SLC44A1: variants seen among roughly 807,000 people sequenced by gnomAD.
SLC44A1 encodes the protein choline transporter-like protein 1.
Under a neutral mutation model 79.3 loss-of-function variants are expected in SLC44A1, and 26 were observed. That is an observed-to-expected ratio of 0.33 (90% CI 0.24 to 0.46). The LOEUF (loss-of-function observed/expected upper bound fraction) is 0.46. SLC44A1 is among the 20% of genes least tolerant of loss of function. SLC44A1 has a pLI of 1.00. For synonymous variants in SLC44A1, 263 were observed against 286.2 expected, an observed-to-expected ratio of 0.92 and a Z score of 0.82; for missense variants, 688 against 798.1, an observed-to-expected ratio of 0.86 and a Z score of 1.66.
At chr9:105,256,442 G>A (rs1356571642) in intron 1 of SLC44A1, among the ~76,000 whole-genome samples, 1 of 152,126 alleles carries the variant, frequency 6.6e-6, no homozygotes, top group Non-Finnish European at 1.5e-5. Context: ...CCCAAAGTAA[G>A]TCCAGAAGTA....
chr9:105,421,311 G>A (rs1386836772), intron 15 of SLC44A1, among the ~76,000 whole-genome samples: 1 of 152,104 alleles, frequency 6.6e-6, no homozygotes, highest in East Asian at 1.9e-4. Flanking sequence ...CTGTGCTAAG[G>A]GCTTTCTAGG....
intron 13 of SLC44A1, among the ~76,000 whole-genome samples, chr9:105,382,760 A>G (rs1828508586): frequency 6.6e-6 from 1 of 152,188 alleles, no homozygotes; most frequent in African/African-American, 2.4e-5. Flanking sequence ...ACACTGAAAT[A>G]TCACTTTTTT....
At position 105,392,173 on chromosome 9, in the gene SLC44A1, G is replaced by T. The variant is rs1564048204; in HGVS notation, c.*3117G>T. The T allele has an allele frequency of 1.0e-6, 1 of 985,056 alleles. No individual in the cohort carries two copies. The highest frequency in any genetic ancestry group is 1.2e-6 in the Non-Finnish European group (1 of 829,706). The allele number at this position is 985,056 out of a possible 1,614,324, so 61.0% of individuals were successfully genotyped here. ...CTTGCATGGATGAGCAGAGCTCAAA[G>T]CCAGTTGTTCCTTTAAAGCATTTAA... is the stretch of plus-strand genomic sequence containing the variant. On this transcript the variant is annotated 3_prime_UTR_variant, in exon 16 of 16. Coordinates refer to ENST00000374720, the MANE Select transcript of SLC44A1 (RefSeq NM_080546.5).
intron 2 of SLC44A1, among the ~76,000 whole-genome samples, 169 bp downstream of exon 2, chr9:105,299,478 G>C (rs1460459576): frequency 6.6e-6 from 1 of 152,156 alleles, no homozygotes; most frequent in Admixed American, 6.5e-5. Context: ...TCAAATTAAG[G>C]AGCAGCTGGG....
intron 1 of SLC44A1, among the ~76,000 whole-genome samples, chr9:105,257,209 G>A (rs1276298262): frequency 1.3e-5 from 2 of 152,162 alleles, no homozygotes; most frequent in Non-Finnish European, 2.9e-5. Flanking sequence ...CGAGTCTCCT[G>A]CCTCAGCCTC....
At chr9:105,329,725 A>G (rs1826691499) in intron 3 of SLC44A1, among the ~76,000 whole-genome samples, 1 of 151,938 alleles carries the variant, frequency 6.6e-6, no homozygotes, top group South Asian at 2.1e-4. Context: ...CCTATAGTCG[A>G]CTTTATCAGA....
At chr9:105,297,940 A>G (rs968065235) in intron 1 of SLC44A1, among the ~76,000 whole-genome samples, 7 of 152,088 alleles carry the variant, frequency 4.6e-5, no homozygotes, top group African/African-American at 1.4e-4. Context: ...AACCTTTCCC[A>G]TAGGTTTTCC....
At chr9:105,261,294 G>A (rs1829832707) in intron 1 of SLC44A1, among the ~76,000 whole-genome samples, 1 of 152,108 alleles carries the variant, frequency 6.6e-6, no homozygotes, top group South Asian at 2.1e-4. Flanking sequence ...ATAAGAATGA[G>A]GGCCTTCTTT....
chr9:105,250,354 A>G (rs1437676997), intron 1 of SLC44A1, among the ~76,000 whole-genome samples: 1 of 152,134 alleles, frequency 6.6e-6, no homozygotes, highest in Non-Finnish European at 1.5e-5. Flanking sequence ...ATACTATACT[A>G]TCAAATACTA....
downstream of SLC44A1, among the ~76,000 whole-genome samples, chr9:105,398,876 GGAA>G (rs956648342): frequency 1.3e-5 from 2 of 152,164 alleles, no homozygotes; most frequent in Admixed American, 1.3e-4. Flanking sequence ...CACTGGAAGA[GGAA>G]GAATTGTCTT....
intron 15 of SLC44A1, among the ~76,000 whole-genome samples, chr9:105,423,967 T>C (rs1263588000): frequency 6.6e-6 from 1 of 152,146 alleles, no homozygotes; most frequent in Admixed American, 6.5e-5. Flanking sequence ...TCATGGAAGA[T>C]GAAATTAAAT....
At chr9:105,345,388 T>A (rs2131376030) in intron 4 of SLC44A1, among the ~76,000 whole-genome samples, 2 of 152,336 alleles carry the variant, frequency 1.3e-5, no homozygotes, top group Middle Eastern at 3.4e-3. Flanking sequence ...CTGGTGGAAC[T>A]AATTTTTCTC....
intron 12 of SLC44A1, among the ~76,000 whole-genome samples, chr9:105,374,019 G>A (rs1828199058): frequency 6.6e-6 from 1 of 152,132 alleles, no homozygotes; most frequent in African/African-American, 2.4e-5. Flanking sequence ...CAGGGAATGG[G>A]GTAAGACTGT....
At chr9:105,398,534 C>T (rs370113890), downstream of SLC44A1, among the ~76,000 whole-genome samples, 27 of 152,310 alleles carry the variant, frequency 1.8e-4, no homozygotes, top group African/African-American at 6.0e-4. Flanking sequence ...AGCCTCACAT[C>T]TGAAAGGTAC....
At chr9:105,363,656 G>A (rs80234385) in intron 9 of SLC44A1, among the ~76,000 whole-genome samples, 2,252 of 151,918 alleles carry the variant, frequency 0.015, 25 homozygotes, top group Non-Finnish European at 0.023. Context: ...GTAGAGACAG[G>A]GTTTCTCCAT....
In SLC44A1 at chr9:105,393,574, T is replaced by G. The variant is rs929957028; in HGVS notation, c.*4518T>G. ...TTTCTTATAGAAAACTTTAATGCAG[T>G]TTTTAAACTTACTGATTTCTGTGGA... is the stretch of plus-strand genomic sequence containing the variant. On this transcript the variant is annotated 3_prime_UTR_variant, in exon 16 of 16. Coordinates refer to ENST00000374720, the MANE Select transcript of SLC44A1 (RefSeq NM_080546.5). The G allele has an allele frequency of 1.1e-6, 1 of 937,276 alleles. No individual in the cohort carries two copies. Among genetic ancestry groups the G allele is most frequent in the Non-Finnish European group, 1.3e-6 (1 of 786,200 alleles). 58.1% of individuals were successfully genotyped at this position (937,276 alleles called of 1,614,324 possible).
intron 12 of SLC44A1, among the ~76,000 whole-genome samples, chr9:105,369,867 A>T (rs1193914471): frequency 6.6e-6 from 1 of 152,212 alleles, no homozygotes; most frequent in East Asian, 1.9e-4. Flanking sequence ...CTTTCACATG[A>T]TCAGTACTTT....
chr9:105,399,169 C>T (rs1250850966), downstream of SLC44A1, among the ~76,000 whole-genome samples: 4 of 152,154 alleles, frequency 2.6e-5, no homozygotes, highest in African/African-American at 9.7e-5. Context: ...ATAATTTTAG[C>T]AGATTCACCT....
At chr9:105,382,139 C>G (rs1298118824) in intron 13 of SLC44A1, among the ~76,000 whole-genome samples, 1 of 152,050 alleles carries the variant, frequency 6.6e-6, no homozygotes, top group Non-Finnish European at 1.5e-5. Flanking sequence ...AGGATCTGTT[C>G]TTTTTTCCTA....
Sources: allele counts gnomAD v4.1 joint callset (sites outside exome capture counted in the v4.1 genomes callset), GRCh38; gene constraint gnomAD v4.1.1; transcripts MANE v1.5; gene names NCBI Gene and HGNC (gene_info 2026-07-23, HGNC 2026-07-21).